Variants in AOAH observed in about 807,000 individuals in gnomAD.
AOAH encodes the protein acyloxyacyl hydrolase.
In AOAH, 64 loss-of-function variants were observed where a neutral mutation model predicts 92.2. The observed-to-expected ratio is 0.69, with a 90% CI of 0.57 to 0.86. The LOEUF (loss-of-function observed/expected upper bound fraction) is 0.86, where lower values mean the gene tolerates loss of function less well. AOAH is among the 40% of genes least tolerant of loss of function. The probability of loss-of-function intolerance (pLI) is 0.00; values close to 1 mark genes in which losing one functional copy is unlikely to be tolerated. For missense variants in AOAH, 656 were observed against 694.6 expected (o/e 0.94, Z 0.62); for synonymous variants, 263 against 254.5 (o/e 1.03, Z -0.32).
chr7:36,594,236 T>C lies in AOAH; in HGVS notation c.938+103A>G, dbSNP rs181585836. 20 of 881,994 alleles carry C rather than the reference T, an allele frequency of 2.3e-5. No individual in the cohort carries two copies. In the East Asian group the frequency reaches 4.3e-4, roughly 19 times the overall value. The allele number at this position is 881,994 out of a possible 1,614,324, so 54.6% of individuals were successfully genotyped here. ...ACTCAAATTCATGTTCTAGAAGCAGTTCCTAATAATTCGCATTTCAACATC... is the reference window on the plus strand; with the variant it reads ...ACTCAAATTCATGTTCTAGAAGCAGCTCCTAATAATTCGCATTTCAACATC... On this transcript the variant is annotated intron_variant, in intron 12 of 20. Coordinates refer to ENST00000617537, the MANE Select transcript of AOAH (RefSeq NM_001637.4).
chr7:36,688,733 C>T (rs189076379), intron 1 of AOAH, among the ~76,000 whole-genome samples: 224 of 152,108 alleles, frequency 1.5e-3, no homozygotes, highest in African/African-American at 5.2e-3. Context: ...CCATCTCTAA[C>T]TCTGAATTCC....
chr7:36,546,821 C>T (rs1038204005), intron 15 of AOAH, among the ~76,000 whole-genome samples: 17 of 152,178 alleles, frequency 1.1e-4, no homozygotes, highest in Non-Finnish European at 1.9e-4. Context: ...CATGGTGTTT[C>T]CTCTTCCATT....
intron 16 of AOAH, among the ~76,000 whole-genome samples, chr7:36,534,111 A>C (rs1408559996): frequency 1.3e-5 from 2 of 151,964 alleles, no homozygotes; most frequent in Non-Finnish European, 2.9e-5. Flanking sequence ...GATTTCTTTG[A>C]TATCCAGAGG....
Position 36,649,233 on chromosome 7 carries a change from T to C in AOAH, c.390+9933A>G, listed in dbSNP as rs771335242. 2.5e-4 allele frequency among the ~76,000 whole-genome samples: 38 copies of C among 152,212 alleles called. 1 individual carries two copies. Among genetic ancestry groups the C allele is most frequent in the Non-Finnish European group, 2.9e-5 (2 of 68,038 alleles). The stretch of plus-strand genomic sequence containing the variant: ...ACAGGTAGGACAGAAATTTGATTGC[T>C]CTGGAAAGCTGGAGGGGAATGAGTG... On this transcript the variant is annotated intron_variant, in intron 4 of 20. Coordinates refer to ENST00000617537, the MANE Select transcript of AOAH (RefSeq NM_001637.4).
chr7:36,679,340 A>G (rs1045236146), intron 2 of AOAH, among the ~76,000 whole-genome samples: 1 of 151,124 alleles, frequency 6.6e-6, no homozygotes, highest in Admixed American at 6.6e-5. Context: ...TCAAAAAAAA[A>G]AGAATCTTTT....
intron 3 of AOAH, chr7:36,661,152 T>A (rs1795194094): frequency 6.6e-6 from 1 of 152,262 alleles, no homozygotes; most frequent in Non-Finnish European, 1.5e-5. Context: ...TGGCGCAGGC[T>A]TCTGGTAACT....
chr7:36,678,532 C>G (rs1796402172), intron 2 of AOAH, among the ~76,000 whole-genome samples: 1 of 142,962 alleles, frequency 7.0e-6, no homozygotes, highest in Non-Finnish European at 1.5e-5. Flanking sequence ...AATTCATCTT[C>G]TTTCTGGTAA....
chr7:36,626,213 T>C (rs1986654), intron 6 of AOAH, among the ~76,000 whole-genome samples: 15,822 of 152,114 alleles, frequency 0.1, 1,060 homozygotes, highest in South Asian at 0.2. Context: ...AGAAATGACG[T>C]AGACCCAAAC....
At chr7:36,649,438 T>C (rs2116429648) in intron 4 of AOAH, among the ~76,000 whole-genome samples, 1 of 152,348 alleles carries the variant, frequency 6.6e-6, no homozygotes, top group African/African-American at 2.4e-5. Flanking sequence ...TAAGCCTAGC[T>C]GGGAAGGTGA....
At chr7:36,671,526 T>A (rs1795923775) in intron 3 of AOAH, among the ~76,000 whole-genome samples, 1 of 152,214 alleles carries the variant, frequency 6.6e-6, no homozygotes, top group African/African-American at 2.4e-5. Context: ...GCTACGGGCT[T>A]GCACAGGGTA....
At chr7:36,596,580 C>T (rs1790142124) in intron 11 of AOAH, among the ~76,000 whole-genome samples, 1 of 152,086 alleles carries the variant, frequency 6.6e-6, no homozygotes, top group Admixed American at 6.5e-5. Context: ...AGGGGGAAGG[C>T]CGTGCAATGG....
At chr7:36,702,340 T>A (rs1398718943) in intron 1 of AOAH, among the ~76,000 whole-genome samples, 1 of 152,242 alleles carries the variant, frequency 6.6e-6, no homozygotes, top group Non-Finnish European at 1.5e-5. Context: ...CCATTTCTTG[T>A]GTGGCATGTC....
chr7:36,572,719 A>G (rs1788223355), intron 13 of AOAH, among the ~76,000 whole-genome samples: 1 of 152,186 alleles, frequency 6.6e-6, no homozygotes, highest in African/African-American at 2.4e-5. Flanking sequence ...TACCGTTCCC[A>G]TCCCTGTGTG....
chr7:36,660,175 T>C (rs953659131), intron 3 of AOAH, among the ~76,000 whole-genome samples: 9 of 152,248 alleles, frequency 5.9e-5, no homozygotes, highest in African/African-American at 2.2e-4. Flanking sequence ...CTTTTCGGAC[T>C]CAGCCCACTT....
chr7:36,578,888 T>A (rs1788719071), intron 12 of AOAH, among the ~76,000 whole-genome samples: 1 of 152,128 alleles, frequency 6.6e-6, no homozygotes, highest in South Asian at 2.1e-4. Flanking sequence ...TGGCTTATGG[T>A]TCTGCAGGGT....
At chr7:36,693,889 G>C (rs1797554053) in intron 1 of AOAH, among the ~76,000 whole-genome samples, 1 of 152,118 alleles carries the variant, frequency 6.6e-6, no homozygotes, top group Non-Finnish European at 1.5e-5. Flanking sequence ...TGAGAAACAT[G>C]TTTACTTGAA....
chr7:36,707,996 T>C (rs1373493392), intron 1 of AOAH, among the ~76,000 whole-genome samples: 1 of 152,130 alleles, frequency 6.6e-6, no homozygotes, highest in Non-Finnish European at 1.5e-5. Flanking sequence ...TCTTGTTACG[T>C]TGCCCAGGCT....
intron 4 of AOAH, among the ~76,000 whole-genome samples, chr7:36,640,939 A>C (rs1034392205): frequency 5.3e-5 from 8 of 152,158 alleles, no homozygotes; most frequent in African/African-American, 1.7e-4. Context: ...CAGAGATTCC[A>C]GGCTCGGAAT....
At chr7:36,693,894 C>T (rs927973495) in intron 1 of AOAH, among the ~76,000 whole-genome samples, 2 of 152,116 alleles carry the variant, frequency 1.3e-5, no homozygotes, top group Non-Finnish European at 2.9e-5. Flanking sequence ...AACATGTTTA[C>T]TTGAATAAAT....
Sources: allele counts gnomAD v4.1 joint callset (sites outside exome capture counted in the v4.1 genomes callset), GRCh38; gene constraint gnomAD v4.1.1; transcripts MANE v1.5; gene names NCBI Gene and HGNC (gene_info 2026-07-23, HGNC 2026-07-21).